Variants in ZNF438 observed in about 807,000 individuals in gnomAD.
ZNF438 encodes the protein zinc finger protein 438.
ZNF438 carries 25 observed loss-of-function variants against 38.0 expected under a neutral mutation model. The ratio of observed to expected loss-of-function variants is 0.66; its 90% CI spans 0.48 to 0.92. ZNF438 has a LOEUF of 0.92. ZNF438 is among the 40% of genes least tolerant of loss of function. ZNF438 has a pLI of 0.00. For synonymous variants in ZNF438, 372 were observed against 364.1 expected, an observed-to-expected ratio of 1.02 and a Z score of -0.25; for missense variants, 1,007 against 999.6, an observed-to-expected ratio of 1.01 and a Z score of -0.10.
intron 4 of ZNF438, among the ~76,000 whole-genome samples, chr10:30,865,896 A>C (rs1451530397): frequency 6.6e-6 from 1 of 152,240 alleles, no homozygotes; most frequent in Non-Finnish European, 1.5e-5. Context: ...AGTGTTTCTC[A>C]AAGTAGGGTT....
chr10:30,933,360 A>G (rs1054311234), intron 2 of ZNF438, among the ~76,000 whole-genome samples: 2 of 152,368 alleles, frequency 1.3e-5, no homozygotes, highest in African/African-American at 4.8e-5. Context: ...CCAGTTTCCA[A>G]GAGAATGTGG....
chr10:30,953,278 A>G (rs2048439532), intron 1 of ZNF438, among the ~76,000 whole-genome samples: 1 of 151,948 alleles, frequency 6.6e-6, no homozygotes, highest in Admixed American at 6.6e-5. Flanking sequence ...GGGAGGGATA[A>G]CATTGGGAGA....
intron 2 of ZNF438, among the ~76,000 whole-genome samples, chr10:30,930,519 A>G (rs1364695696): frequency 6.6e-6 from 1 of 152,076 alleles, no homozygotes; most frequent in Non-Finnish European, 1.5e-5. Flanking sequence ...GGGCTCCTCA[A>G]GCGTGGCCAG....
rs185374522 is a variant in ZNF438, at chr10:30,969,974, A to G, written c.-191-28323T>C. Among the ~76,000 whole-genome samples, 344 of 152,224 alleles carry G rather than the reference A, an allele frequency of 2.3e-3. 3 individuals are homozygous for G. In the Middle Eastern group the frequency reaches 0.037, roughly 17 times the overall value. On this transcript the variant is annotated intron_variant, in intron 1 of 5. Coordinates refer to ENST00000413025, the Ensembl canonical transcript of ZNF438. ...AAAAAGCCTATGAAGAATAATGATG[A>G]CAATGAAATGATATTTACTGAGACC...
chr10:30,942,433 A>G (rs2046913566), intron 1 of ZNF438, among the ~76,000 whole-genome samples: 1 of 152,220 alleles, frequency 6.6e-6, no homozygotes, highest in Non-Finnish European at 1.5e-5. Context: ...GGTAGTCAAG[A>G]TGAGAAGAAA....
At chr10:30,931,565 G>C (rs933064942) in intron 2 of ZNF438, among the ~76,000 whole-genome samples, 1 of 152,090 alleles carries the variant, frequency 6.6e-6, no homozygotes, top group African/African-American at 2.4e-5. Flanking sequence ...AATAACGTTT[G>C]CATGTGTCCC....
chr10:30,845,335 G>C (rs1471291273), exon 6 of ZNF438: 1 of 1,614,114 alleles, frequency 6.2e-7, no homozygotes, highest in Admixed American at 1.7e-5. Flanking sequence ...CCTCTCTCAG[G>C]ATGCCTTTTC....
chr10:30,876,019 T>C (rs1289658364), intron 4 of ZNF438, among the ~76,000 whole-genome samples: 1 of 152,246 alleles, frequency 6.6e-6, no homozygotes, highest in Non-Finnish European at 1.5e-5. Context: ...GAGTGGAACT[T>C]ATTATCTTCA....
At chr10:30,848,437 T>A in intron 5 of ZNF438, 94 bp downstream of exon 6, 3 of 1,428,450 alleles carry the variant, frequency 2.1e-6, no homozygotes, top group Non-Finnish European at 1.9e-6. Flanking sequence ...CCTAGAGATG[T>A]TTTATAAACT....
At chr10:30,857,951 AC>A (rs1348588360) in intron 4 of ZNF438, among the ~76,000 whole-genome samples, 1 of 152,244 alleles carries the variant, frequency 6.6e-6, no homozygotes, top group Non-Finnish European at 1.5e-5. Flanking sequence ...CAAACAGCTC[AC>A]TTCCTGATGT....
At chr10:30,998,048 A>T (rs1346332698) in intron 1 of ZNF438, among the ~76,000 whole-genome samples, 1 of 152,228 alleles carries the variant, frequency 6.6e-6, no homozygotes, top group Middle Eastern at 3.2e-3. Flanking sequence ...TCTGTCACTT[A>T]CCAGCTGAAA....
exon 5 of ZNF438, chr10:30,849,039 G>A: frequency 1.2e-6 from 2 of 1,614,180 alleles, no homozygotes; most frequent in Non-Finnish European, 1.7e-6. Flanking sequence ...TGGGACTGTA[G>A]TGTAGTTGGA....
At chr10:30,943,679 G>A (rs976966683) in intron 1 of ZNF438, among the ~76,000 whole-genome samples, 1 of 152,082 alleles carries the variant, frequency 6.6e-6, no homozygotes, top group African/African-American at 2.4e-5. Flanking sequence ...GCAGTGTCCT[G>A]GAAGTCAACC....
intron 2 of ZNF438, among the ~76,000 whole-genome samples, chr10:30,915,003 T>C (rs2043453883): frequency 6.6e-6 from 1 of 152,040 alleles, no homozygotes; most frequent in Admixed American, 6.6e-5. Flanking sequence ...GCAGCTGGTC[T>C]TTTTTAAAAT....
chr10:30,913,426 C>T (rs2043275150), intron 2 of ZNF438, among the ~76,000 whole-genome samples: 1 of 152,004 alleles, frequency 6.6e-6, no homozygotes, highest in Non-Finnish European at 1.5e-5. Context: ...GTTTAAAATG[C>T]TATTTCTTCC....
Position 30,903,168 on chromosome 10 carries a change from C to T in ZNF438, c.-32+5765G>A, listed in dbSNP as rs554142171. ...AGCGCTGCATGCAGCCCCGGTTCTG[C>T]CCGTGCCTCTCCCTCCACACCTCCC... On this transcript the variant is annotated intron_variant, in intron 3 of 5. Coordinates refer to ENST00000413025, the Ensembl canonical transcript of ZNF438. Among the ~76,000 whole-genome samples, 5 of 152,314 alleles carry T rather than the reference C, an allele frequency of 3.3e-5. No individual in the cohort carries two copies. In the East Asian group the frequency reaches 9.7e-4, roughly 29 times the overall value.
intron 1 of ZNF438, among the ~76,000 whole-genome samples, chr10:31,011,426 G>C (rs2055690265): frequency 6.6e-6 from 1 of 152,156 alleles, no homozygotes; most frequent in Non-Finnish European, 1.5e-5. Context: ...TGAATAAAAG[G>C]TCTGAAAACC....
Position 30,902,500 on chromosome 10 carries a change from C to G in ZNF438, c.-32+6433G>C, listed in dbSNP as rs374359000. Among the ~76,000 whole-genome samples the G allele has an allele frequency of 2.6e-5, 4 of 152,126 alleles. No individual in the cohort carries two copies. The East Asian group carries it at 5.8e-4, about 22-fold the overall frequency. On this transcript the variant is annotated intron_variant, in intron 3 of 5. Coordinates refer to ENST00000413025, the Ensembl canonical transcript of ZNF438. ...AAGTCCCCACCAGATTAGCTAGACA[C>G]AGAGCACTGACTGGTGCATTTACAA...
rs531437605 is a variant in ZNF438 at position 30,910,705 on chromosome 10, C to T, written c.-114-1690G>A. 1.1e-4 allele frequency among the ~76,000 whole-genome samples: 16 copies of T among 143,766 alleles called. No individual in the cohort carries two copies. In the East Asian group the frequency reaches 1.6e-3, roughly 14 times the overall value. The allele number at this position is 143,766 out of a possible 152,430, so 94.3% of individuals were successfully genotyped here. A position where few individuals can be genotyped will look rare whatever the true frequency, so the allele number is the denominator to read the frequency against. ...GGCCAAAAAAAAAAAAAAAAAAAGCCGCCTATATTTAGAGAAACTCATCAT... is the reference window on the plus strand; with the variant it reads ...GGCCAAAAAAAAAAAAAAAAAAAGCTGCCTATATTTAGAGAAACTCATCAT... On this transcript the variant is annotated intron_variant, in intron 2 of 5. Transcript: ENST00000413025.
Sources: gnomAD v4.1 joint callset for allele counts (sites outside exome capture counted in the v4.1 genomes callset) on GRCh38, gnomAD v4.1.1 for gene constraint, MANE v1.5 for transcripts, NCBI Gene and HGNC (gene_info 2026-07-23, HGNC 2026-07-21) for gene names.